CACNA2D3: variants seen among roughly 807,000 people sequenced by gnomAD.
CACNA2D3 encodes voltage-dependent calcium channel subunit alpha-2/delta-3.
Under a neutral mutation model 160.6 loss-of-function variants are expected in CACNA2D3, and 60 were observed. That is an observed-to-expected ratio of 0.37 (90% CI 0.30 to 0.46). The LOEUF (loss-of-function observed/expected upper bound fraction) is 0.46, where lower values mean the gene tolerates loss of function less well. Ranked by LOEUF, CACNA2D3 falls within the 20% of genes least tolerant of loss-of-function variation. The pLI is 1.00. For missense variants in CACNA2D3, 1,205 were observed against 1,365.0 expected (o/e 0.88, Z 1.85); for synonymous variants, 558 against 492.9 (o/e 1.13, Z -1.75).
intron 27 of CACNA2D3, chr3:54,966,982 G>A (rs182104028): frequency 6.6e-6 from 1 of 152,362 alleles, no homozygotes; most frequent in Admixed American, 6.5e-5. Context: ...CCAGCAGGGA[G>A]CAAGAACAGG....
At chr3:54,622,371 G>C (rs1699006758) in intron 9 of CACNA2D3, among the ~76,000 whole-genome samples, 1 of 152,174 alleles carries the variant, frequency 6.6e-6, no homozygotes, top group Non-Finnish European at 1.5e-5. Flanking sequence ...TGCCTCCCGG[G>C]TTCACGCCAT....
At chr3:55,065,200 C>T (rs767824999) in intron 35 of CACNA2D3, among the ~76,000 whole-genome samples, 3 of 152,202 alleles carry the variant, frequency 2.0e-5, no homozygotes, top group Non-Finnish European at 4.4e-5. Flanking sequence ...GATCCCACAG[C>T]ACTGACTGTT....
intron 12 of CACNA2D3, among the ~76,000 whole-genome samples, chr3:54,762,240 A>G (rs1283249008): frequency 6.6e-6 from 1 of 151,300 alleles, no homozygotes; most frequent in East Asian, 1.9e-4. Flanking sequence ...CTCTCTACCA[A>G]CTCCTTAACT....
At chr3:54,799,374 C>T (rs779735736) in intron 13 of CACNA2D3, among the ~76,000 whole-genome samples, 1 of 152,112 alleles carries the variant, frequency 6.6e-6, no homozygotes, top group African/African-American at 2.4e-5. Context: ...ATATACTCTT[C>T]CCACTGCAGA....
intron 9 of CACNA2D3, among the ~76,000 whole-genome samples, chr3:54,615,730 T>G (rs572927760): frequency 1.3e-5 from 2 of 152,298 alleles, no homozygotes; most frequent in Non-Finnish European, 2.9e-5. Flanking sequence ...ACCCCTAAAC[T>G]TAATAGCTAA....
chr3:54,900,649 G>A (rs1329557788), intron 27 of CACNA2D3, among the ~76,000 whole-genome samples: 1 of 152,158 alleles, frequency 6.6e-6, no homozygotes, highest in Non-Finnish European at 1.5e-5. Context: ...GCACCATCCT[G>A]GTATTGGCTG....
At chr3:54,982,967 A>C (rs9875790) in intron 29 of CACNA2D3, among the ~76,000 whole-genome samples, 42,899 of 151,906 alleles carry the variant, frequency 0.28, 7,090 homozygotes, top group African/African-American at 0.47. Context: ...ATGCCGACCT[A>C]CTATCTCATC....
At chr3:54,620,149 CAG>C (rs1698951625) in intron 9 of CACNA2D3, among the ~76,000 whole-genome samples, 1 of 152,078 alleles carries the variant, frequency 6.6e-6, no homozygotes. Context: ...AGTTGGGCAT[CAG>C]AATAGGGTGG....
chr3:54,677,891 G>A (rs906443849), intron 11 of CACNA2D3, among the ~76,000 whole-genome samples: 55 of 152,064 alleles, frequency 3.6e-4, no homozygotes, highest in Non-Finnish European at 2.4e-4. Flanking sequence ...AAGGGCAATA[G>A]ACCACAGTAT....
At chr3:54,776,407 CG>C (rs1317362788) in intron 13 of CACNA2D3, among the ~76,000 whole-genome samples, 1 of 152,026 alleles carries the variant, frequency 6.6e-6, no homozygotes, top group East Asian at 1.9e-4. Context: ...CCCAGCTCCT[CG>C]GAAGGCTGAG....
At chr3:54,939,485 C>T (rs994332009) in intron 27 of CACNA2D3, among the ~76,000 whole-genome samples, 13 of 152,196 alleles carry the variant, frequency 8.5e-5, no homozygotes, top group African/African-American at 2.7e-4. Flanking sequence ...TGTAGGTTCC[C>T]GCTGCCCATT....
At chr3:55,049,726 G>A (rs965297970) in intron 35 of CACNA2D3, among the ~76,000 whole-genome samples, 46 of 148,914 alleles carry the variant, frequency 3.1e-4, no homozygotes, top group Non-Finnish European at 4.9e-4. Flanking sequence ...CATTATTAAT[G>A]TGTGGGAGTC....
intron 13 of CACNA2D3, among the ~76,000 whole-genome samples, chr3:54,797,374 C>T (rs1002536624): frequency 1.3e-5 from 2 of 152,170 alleles, no homozygotes; most frequent in African/African-American, 4.8e-5. Flanking sequence ...GCTGTGGCCA[C>T]CTCCTATTGT....
chr3:54,843,154 G>A (rs1367238019), intron 16 of CACNA2D3, among the ~76,000 whole-genome samples: 2 of 151,958 alleles, frequency 1.3e-5, no homozygotes, highest in Non-Finnish European at 1.5e-5. Flanking sequence ...TAGAGACAGG[G>A]TTTCACCATG....
chr3:54,926,130 A>G (rs1176229254), intron 27 of CACNA2D3, among the ~76,000 whole-genome samples: 1 of 152,092 alleles, frequency 6.6e-6, no homozygotes, highest in African/African-American at 2.4e-5. Flanking sequence ...TTTTCCTCAC[A>G]CCATTACTGA....
intron 2 of CACNA2D3, among the ~76,000 whole-genome samples, chr3:54,192,269 A>C (rs149566580): frequency 6.6e-5 from 10 of 152,312 alleles, no homozygotes; most frequent in African/African-American, 2.4e-4. Flanking sequence ...TTTTGACAAG[A>C]ATATATCACT....
At chr3:54,143,435 C>A (rs183351434) in intron 2 of CACNA2D3, among the ~76,000 whole-genome samples, 227 of 152,226 alleles carry the variant, frequency 1.5e-3, no homozygotes, top group African/African-American at 5.1e-3. Context: ...ATGGATAAAT[C>A]AAAAAGCAAG....
chr3:54,715,915 G>A (rs1281407710), intron 11 of CACNA2D3, among the ~76,000 whole-genome samples: 2 of 152,170 alleles, frequency 1.3e-5, no homozygotes, highest in Non-Finnish European at 2.9e-5. Context: ...GGGAATTGAA[G>A]TCATGTTGAT....
chr3:54,781,042 G>T (rs1702525726), intron 13 of CACNA2D3, among the ~76,000 whole-genome samples: 1 of 152,144 alleles, frequency 6.6e-6, no homozygotes, highest in Non-Finnish European at 1.5e-5. Flanking sequence ...TTTAGAAAAT[G>T]TTGTGGTTTT....
Sources: allele counts gnomAD v4.1 joint callset (sites outside exome capture counted in the v4.1 genomes callset), GRCh38; gene constraint gnomAD v4.1.1; transcripts MANE v1.5; gene names NCBI Gene and HGNC (gene_info 2026-07-23, HGNC 2026-07-21).